Variants in NAA38 observed in about 807,000 individuals in gnomAD.
NAA38 encodes the protein N-alpha-acetyltransferase 38, NatC auxiliary subunit, also known as LSM domain containing 1.
NAA38 carries 15 observed loss-of-function variants against 12.6 expected under a neutral mutation model. That is an observed-to-expected ratio of 1.19 (90% CI 0.79 to 1.83). NAA38 has a LOEUF of 1.83. Ranked by LOEUF, NAA38 falls within the 40% of genes most tolerant of loss-of-function variation. The pLI, the probability that NAA38 is intolerant of heterozygous loss-of-function variation, is 0.00. For synonymous variants in NAA38, 88 were observed against 69.9 expected (o/e 1.26, Z -1.29); for missense variants, 183 against 171.7 (o/e 1.07, Z -0.37).
At chr17:7,866,372 T>G (rs1022647303) in intron 3 of NAA38, 102 of 717,550 alleles carry the variant, frequency 1.4e-4, no homozygotes, top group Non-Finnish European at 1.8e-4. Context: ...CCTCCCAGAG[T>G]GCTGGAATTA....
upstream of NAA38, chr17:7,885,347 C>T: frequency 5.7e-6 from 1 of 176,644 alleles, no homozygotes; most frequent in Non-Finnish European, 1.1e-5. Flanking sequence ...GCCGCCGCCA[C>T]CCCGGCTGGA....
chr17:7,877,298 C>G (rs1967191451), intron 2 of NAA38, among the ~76,000 whole-genome samples: 1 of 151,866 alleles, frequency 6.6e-6, no homozygotes, highest in Non-Finnish European at 1.5e-5. Flanking sequence ...TTTTTAAAAG[C>G]ATTTAAATCC....
intron 2 of NAA38, among the ~76,000 whole-genome samples, chr17:7,871,661 G>A (rs548854852): frequency 3.8e-4 from 58 of 152,042 alleles, no homozygotes; most frequent in African/African-American, 1.4e-3. Flanking sequence ...GGTCTAAAAC[G>A]TTCTTCTTTC....
rs112052153 is a variant in NAA38 at position 7,877,372 on chromosome 17, A to ATTT, written c.-66+5860_-66+5862dup. Among the ~76,000 whole-genome samples the ATTT allele has an allele frequency of 4.5e-3, 654 of 146,216 alleles. 37 individuals are homozygous for ATTT. The East Asian group carries it at 0.1, about 23-fold the overall frequency. The stretch of plus-strand genomic sequence containing the variant: ...CTTTAAACATAAACTAAATGATGTC[A>ATTT]TTTTTTTTTTTTTTACAAGTTGCTT... On this transcript the variant is annotated intron_variant, in intron 2 of 4. Coordinates refer to the NAA38 transcript ENST00000576861.
At chr17:7,859,693 C>A, upstream of NAA38, 4 of 1,307,710 alleles carry the variant, frequency 3.1e-6, no homozygotes, top group African/African-American at 4.3e-5. Flanking sequence ...AGTGGTGGGG[C>A]CGAGGGGTGC....
intron 2 of NAA38, among the ~76,000 whole-genome samples, chr17:7,876,803 C>A (rs1967182113): frequency 6.6e-6 from 1 of 152,132 alleles, no homozygotes; most frequent in African/African-American, 2.4e-5. Context: ...ATAAGATGTA[C>A]AATTAAAAAA....
At chr17:7,879,687 A>C (rs984569978) in intron 2 of NAA38, among the ~76,000 whole-genome samples, 3 of 152,148 alleles carry the variant, frequency 2.0e-5, no homozygotes, top group Non-Finnish European at 2.9e-5. Flanking sequence ...AAGGAATTTA[A>C]ATTTTTTATT....
chr17:7,863,797 C>G (rs1966915515), intron 3 of NAA38: 1 of 152,168 alleles, frequency 6.6e-6, no homozygotes, highest in Admixed American at 6.5e-5. Context: ...CTTTAAACAG[C>G]CTCAAAAGTA....
upstream of NAA38, chr17:7,857,956 A>G (rs899397673): frequency 1.0e-5 from 15 of 1,456,016 alleles, no homozygotes; most frequent in Admixed American, 8.0e-5. Context: ...TGCAGTCCAA[A>G]CCCCGCCCCT....
chr17:7,867,338 A>ATGTTT (rs1157436466), intron 2 of NAA38, among the ~76,000 whole-genome samples: 1 of 151,350 alleles, frequency 6.6e-6, no homozygotes, highest in Non-Finnish European at 1.5e-5. Flanking sequence ...TAAGTGTTTT[A>ATGTTT]TGTTTTGTTT....
chr17:7,857,019 C>A lies in NAA38; in HGVS notation c.261G>T (p.Pro87=). 1 of 1,603,722 alleles carries A rather than the reference C, an allele frequency of 6.2e-7. No homozygotes were observed. The highest frequency in any genetic ancestry group is 8.5e-7 in the Non-Finnish European group (1 of 1,172,548). ...ILGSAQEFLK[P]SDSFSAGEPR... is the part of the protein sequence containing the mutation. ...GTGCATTCCCCGGGCACTGACCCGA[C>A]GGCTTGAGGAACTCCTGCGCCGAGC... Residue 87 remains proline, a synonymous_variant, in exon 2 of 3, where the codon CCG becomes CCT. Coordinates refer to ENST00000575771, the MANE Select transcript of NAA38 (RefSeq NM_001320925.4).
chr17:7,882,888 T>TG lies in NAA38; in HGVS notation c.-66+346dup, dbSNP rs1555602169. 2.0e-5 allele frequency among the ~76,000 whole-genome samples: 3 copies of TG among 152,158 alleles called. No individual in the cohort carries two copies. The South Asian group carries it at 6.2e-4, about 32-fold the overall frequency. On this transcript the variant is annotated intron_variant, in intron 2 of 4. Transcript: ENST00000576861. The stretch of plus-strand genomic sequence containing the variant: ...GAAGATGGGTGGCCAGCAGTTACAC[T>TG]GGAGAGGTAGAGGAATAACCCAGAG...
At chr17:7,857,898 T>A, upstream of NAA38, 1 of 1,405,816 alleles carries the variant, frequency 7.1e-7, no homozygotes, top group Non-Finnish European at 9.2e-7. Context: ...AATTACTTGA[T>A]CCTTATATGC....
At chr17:7,865,122 CTGAA>C (rs1258486541) in intron 3 of NAA38, 4 of 152,108 alleles carry the variant, frequency 2.6e-5, no homozygotes, top group Non-Finnish European at 5.9e-5. Context: ...AGAGCGATGG[CTGAA>C]TGATCAGAGG....
intron 1 of NAA38, among the ~76,000 whole-genome samples, chr17:7,883,552 G>C (rs1004156260): frequency 6.6e-6 from 1 of 152,018 alleles, no homozygotes. Flanking sequence ...GGGTAAAGGG[G>C]AGAATCAAAC....
upstream of NAA38, chr17:7,859,065 T>C (rs1223125912): frequency 1.8e-6 from 1 of 570,156 alleles, no homozygotes; most frequent in Non-Finnish European, 3.1e-6. Flanking sequence ...TCATGTATCT[T>C]AGTGATGGTG....
In NAA38 at chr17:7,885,103, C is replaced by T. The variant is rs1027113153; in HGVS notation, c.-167+62G>A. 5 of 967,424 alleles carry T rather than the reference C, an allele frequency of 5.2e-6. No individual in the cohort carries two copies. The East Asian group carries it at 5.8e-4, about 113-fold the overall frequency. The allele number at this position is 967,424 out of a possible 1,614,324, so 59.9% of individuals were successfully genotyped here. Reference sequence around the variant, plus strand: ...CGCCAGGTAAGCGCCCGCCCCGACTCCCCCCCCAAGCCCGAGTGGGAGCCG... The same window carrying T: ...CGCCAGGTAAGCGCCCGCCCCGACTTCCCCCCCAAGCCCGAGTGGGAGCCG... On this transcript the variant is annotated intron_variant, in intron 1 of 4. Coordinates refer to the NAA38 transcript ENST00000576861.
intron 2 of NAA38, among the ~76,000 whole-genome samples, chr17:7,873,281 C>T (rs1254715075): frequency 6.6e-6 from 1 of 152,142 alleles, no homozygotes; most frequent in African/African-American, 2.4e-5. Context: ...GCCAGAGAGG[C>T]AAGGGAAAAA....
At chr17:7,866,525 C>G (rs1966986136) in exon 3 of NAA38, 4 of 1,231,486 alleles carry the variant, frequency 3.2e-6, no homozygotes, top group Non-Finnish European at 4.0e-6. Flanking sequence ...CTCTTTCAGG[C>G]TCTTCTTTGT....
Sources: allele counts gnomAD v4.1 joint callset (sites outside exome capture counted in the v4.1 genomes callset), GRCh38; gene constraint gnomAD v4.1.1; transcripts MANE v1.5; gene names NCBI Gene and HGNC (gene_info 2026-07-23, HGNC 2026-07-21).